Variants in TK2 observed in about 807,000 individuals in gnomAD.
TK2 encodes the protein thymidine kinase 2.
In TK2, 35 loss-of-function variants were observed where a neutral mutation model predicts 41.9. That is an observed-to-expected ratio of 0.84 (90% CI 0.64 to 1.11). The LOEUF is 1.11. TK2 is among the 50% of genes least tolerant of loss of function. The pLI is 0.00. For synonymous variants in TK2, 128 were observed against 129.1 expected, an observed-to-expected ratio of 0.99 and a Z score of 0.06; for missense variants, 320 against 351.1, an observed-to-expected ratio of 0.91 and a Z score of 0.71.
chr16:66,542,168 TC>T (rs1965477089), intron 2 of TK2, among the ~76,000 whole-genome samples: 1 of 151,968 alleles, frequency 6.6e-6, no homozygotes, highest in African/African-American at 2.4e-5. Flanking sequence ...GCTCATGTGG[TC>T]CCCCCAGACC....
In TK2 at chr16:66,542,358, G is replaced by A. The variant is rs567300317; in HGVS notation, c.157-405C>T. On this transcript the variant is annotated intron_variant, in intron 2 of 9. Coordinates refer to ENST00000544898, the MANE Select transcript of TK2 (RefSeq NM_004614.5). Reference sequence around the variant, plus strand: ...AAACACATATATGTTATCTAGAATCGAATTCACTGCTTTACAGAAAAAAAA... The same window carrying A: ...AAACACATATATGTTATCTAGAATCAAATTCACTGCTTTACAGAAAAAAAA... 7.2e-5 allele frequency among the ~76,000 whole-genome samples: 11 copies of A among 151,840 alleles called. No individual in the cohort carries two copies. In the South Asian group the frequency reaches 1.2e-3, roughly 17 times the overall value.
chr16:66,519,318 A>G (rs1430964885), intron 6 of TK2, among the ~76,000 whole-genome samples: 2 of 152,116 alleles, frequency 1.3e-5, no homozygotes, highest in East Asian at 3.8e-4. Context: ...AGCTGGGACT[A>G]CAGGTGTGCG....
chr16:66,534,623 A>T (rs1965220830), intron 4 of TK2, among the ~76,000 whole-genome samples: 1 of 152,238 alleles, frequency 6.6e-6, no homozygotes, highest in African/African-American at 2.4e-5. Context: ...TTGCCTCTGC[A>T]GCGCCTTCTG....
At chr16:66,530,630 G>A (rs1965080813) in intron 5 of TK2, among the ~76,000 whole-genome samples, 1 of 152,116 alleles carries the variant, frequency 6.6e-6, no homozygotes, top group South Asian at 2.1e-4. Context: ...GTCACCTGGA[G>A]GGCTTGATAA....
chr16:66,541,945 G>C lies in TK2; in HGVS notation c.165C>G (p.Val55=). ...TCTTCCCACTTGCAATATTGCCCTCGACACAGATCTGGCAAAAGACGAATG... is the reference window on the plus strand; with the variant it reads ...TCTTCCCACTTGCAATATTGCCCTCCACACAGATCTGGCAAAAGACGAATG... ...QEKEKKSVIC[V]EGNIASGKTT... is the part of the protein sequence containing the mutation. Residue 55 remains valine (V), a synonymous_variant, in exon 3 of 10, where the codon GTC becomes GTG. Coordinates refer to ENST00000544898, the MANE Select transcript of TK2 (RefSeq NM_004614.5). The C allele has an allele frequency of 6.2e-7, 1 of 1,614,018 alleles. No homozygotes were observed. The highest frequency in any genetic ancestry group is 8.5e-7 in the Non-Finnish European group (1 of 1,180,010).
chr16:66,527,583 T>G (rs978225939), intron 6 of TK2, among the ~76,000 whole-genome samples: 1 of 152,138 alleles, frequency 6.6e-6, no homozygotes. Context: ...CCTTAGGAGC[T>G]TATGGTCCGG....
chr16:66,532,404 G>A (rs1189228521), intron 4 of TK2, among the ~76,000 whole-genome samples: 1 of 152,130 alleles, frequency 6.6e-6, no homozygotes, highest in African/African-American at 2.4e-5. Flanking sequence ...AGGAGTTCAA[G>A]ACCAGCCTGG....
At position 66,548,188 on chromosome 16, in the gene TK2, T is replaced by TCAAG. The variant is rs1371010697; in HGVS notation, c.156+786_156+789dup. 6 of 383,294 alleles carry TCAAG rather than the reference T, an allele frequency of 1.6e-5. No individual in the cohort carries two copies. The East Asian group carries it at 4.4e-4, about 28-fold the overall frequency. The allele number at this position is 383,294 out of a possible 1,614,324, so 23.7% of individuals were successfully genotyped here. A position where few individuals can be genotyped will look rare whatever the true frequency, so the allele number is the denominator to read the frequency against. On this transcript the variant is annotated intron_variant, in intron 2 of 9. Coordinates refer to ENST00000544898, the MANE Select transcript of TK2 (RefSeq NM_004614.5). ...TAATTTCAACAAACTTCCACAAATC[T>TCAAG]CAAGCATTTCAATCCTCTCTATGTG...
intron 2 of TK2, 94 bp from the exon 3 acceptor site, chr16:66,542,047 A>G: frequency 7.3e-7 from 1 of 1,362,870 alleles, no homozygotes; most frequent in Non-Finnish European, 1.0e-6. Context: ...TGTAACCAGC[A>G]TAATTGGTTC....
chr16:66,523,646 T>C (rs904497180), intron 6 of TK2, among the ~76,000 whole-genome samples: 4 of 151,966 alleles, frequency 2.6e-5, no homozygotes, highest in Admixed American at 1.3e-4. Flanking sequence ...CTGGCCAACA[T>C]GGTAAAACCC....
At chr16:66,548,028 T>C (rs774495411) in intron 2 of TK2, 30 of 1,172,276 alleles carry the variant, frequency 2.6e-5, no homozygotes, top group Non-Finnish European at 3.3e-5. Context: ...AGCCCAGGAG[T>C]TGGAGGCCAG....
At chr16:66,532,640 A>T (rs941083519) in intron 4 of TK2, among the ~76,000 whole-genome samples, 1 of 152,014 alleles carries the variant, frequency 6.6e-6, no homozygotes, top group Non-Finnish European at 1.5e-5. Flanking sequence ...AATTAATAAA[A>T]GTAAAATACC....
At chr16:66,541,480 C>G (rs1965453369) in intron 3 of TK2, among the ~76,000 whole-genome samples, 1 of 152,114 alleles carries the variant, frequency 6.6e-6, no homozygotes, top group Non-Finnish European at 1.5e-5. Flanking sequence ...GGATGCAATG[C>G]AATGGCGTGA....
At chr16:66,518,045 T>G in intron 6 of TK2, 168 bp from the exon 7 acceptor site, 4 of 675,268 alleles carry the variant, frequency 5.9e-6, no homozygotes, top group Non-Finnish European at 1.1e-5. Flanking sequence ...ACCCTAAGCA[T>G]TCCCGACCTC....
intron 8 of TK2, among the ~76,000 whole-genome samples, chr16:66,516,052 C>CACATGCAGAGGACACGGAGGGAAT (rs1415233869): frequency 6.6e-6 from 1 of 152,140 alleles, no homozygotes; most frequent in Non-Finnish European, 1.5e-5. Context: ...GGCCCCAAGG[C>CACATGCAGAGGACACGGAGGGAAT]ACATGCAGAG....
rs766332476 is a variant in TK2, at chr16:66,531,387, C to T, written c.368G>A (p.Arg123His). The change falls in exon 5 of 10, where the codon CGT becomes CAT. Residue 123 changes from arginine to histidine, a missense_variant. Coordinates refer to ENST00000544898, the MANE Select transcript of TK2 (RefSeq NM_004614.5). Reference protein sequence around the residue: ...VQLTMLDRHTRPQVSSVRLME... With the variant: ...VQLTMLDRHTHPQVSSVRLME... Reference sequence around the variant, plus strand: ...TGAGCATCTGAAACCTACCTGAGGACGAGTATGCCTGTCCAGCATGGTGAG... The same window carrying T: ...TGAGCATCTGAAACCTACCTGAGGATGAGTATGCCTGTCCAGCATGGTGAG... 7 of 1,614,050 alleles carry T rather than the reference C, an allele frequency of 4.3e-6. No homozygotes were observed. In the African/African-American group the frequency reaches 5.3e-5, roughly 12 times the overall value.
chr16:66,511,911 T>C lies in TK2; in HGVS notation c.*57A>G, dbSNP rs533394735. ...GCAAGTTTTTCCAGATTGCTCCCAA[T>C]AGCTAACTTGGCAGCAGCAGGCATT... On this transcript the variant is annotated 3_prime_UTR_variant, in exon 10 of 10. Coordinates refer to ENST00000544898, the MANE Select transcript of TK2 (RefSeq NM_004614.5). 7.8e-6 allele frequency: 12 copies of C among 1,532,072 alleles called. 1 individual carries two copies. The East Asian group carries it at 1.3e-4, about 17-fold the overall frequency. The allele number at this position is 1,532,072 out of a possible 1,614,324, so 94.9% of individuals were successfully genotyped here.
chr16:66,540,171 T>C (rs1462600630), intron 3 of TK2, among the ~76,000 whole-genome samples: 3 of 146,142 alleles, frequency 2.1e-5, no homozygotes, highest in African/African-American at 7.8e-5. Context: ...TCTTTCTTTT[T>C]TCTTTTTTTT....
chr16:66,523,865 C>T (rs1228051837), intron 6 of TK2, among the ~76,000 whole-genome samples: 1 of 152,046 alleles, frequency 6.6e-6, no homozygotes, highest in East Asian at 1.9e-4. Context: ...AAAAAAACCC[C>T]ACATCTACTT....
Sources: allele counts gnomAD v4.1 joint callset (sites outside exome capture counted in the v4.1 genomes callset), GRCh38; gene constraint gnomAD v4.1.1; transcripts MANE v1.5; gene names NCBI Gene and HGNC (gene_info 2026-07-23, HGNC 2026-07-21).